Variants in SIK3 observed in about 807,000 individuals in gnomAD.
SIK3 encodes SIK family kinase 3.
In SIK3, 28 loss-of-function variants were observed where a neutral mutation model predicts 144.2. The observed-to-expected ratio is 0.19, with a 90% CI of 0.14 to 0.27. The LOEUF (loss-of-function observed/expected upper bound fraction) is 0.27. Among genes scored for constraint, SIK3 ranks in the 10% least tolerant of loss-of-function variants. The pLI, the probability that SIK3 is intolerant of heterozygous loss-of-function variation, is 1.00. For synonymous variants in SIK3, 686 were observed against 676.3 expected (o/e 1.01, Z -0.22); for missense variants, 1,319 against 1,776.0 (o/e 0.74, Z 4.62).
chr11:116,945,758 A>G (rs1409483325), intron 3 of SIK3, among the ~76,000 whole-genome samples: 4 of 151,992 alleles, frequency 2.6e-5, no homozygotes, highest in African/African-American at 7.2e-5. Flanking sequence ...GTGGTAGGGG[A>G]AAAAAATCAC....
chr11:116,925,664 G>A (rs1221045003), intron 4 of SIK3, among the ~76,000 whole-genome samples: 1 of 152,200 alleles, frequency 6.6e-6, no homozygotes, highest in Non-Finnish European at 1.5e-5. Context: ...TTTAAGGGTT[G>A]TGAAGTTTAG....
chr11:116,870,405 A>G lies in SIK3; in HGVS notation c.1738-4T>C. On this transcript the variant is annotated splice_polypyrimidine_tract_variant and splice_region_variant and intron_variant, in intron 13 of 24. Transcript: ENST00000445177. ...CAGGGGTAACTGCTGGCACTGCCTG[A>G]AGAGAGACAGGAAGGAAAAGCTCAA... 2 of 1,612,284 alleles carry G rather than the reference A, an allele frequency of 1.2e-6. No individual in the cohort carries two copies. The highest frequency in any genetic ancestry group is 1.7e-6 in the Non-Finnish European group (2 of 1,179,996).
At chr11:117,050,973 C>T (rs1197141897) in intron 1 of SIK3, among the ~76,000 whole-genome samples, 4 of 151,978 alleles carry the variant, frequency 2.6e-5, no homozygotes, top group African/African-American at 9.7e-5. Context: ...AGGAATGGCC[C>T]AGACAGCTGA....
intron 1 of SIK3, among the ~76,000 whole-genome samples, chr11:117,002,621 A>G (rs1423109570): frequency 6.6e-6 from 1 of 152,228 alleles, no homozygotes; most frequent in African/African-American, 2.4e-5. Flanking sequence ...TACAAGAAAA[A>G]AAAACCACAT....
intron 7 of SIK3, 133 bp downstream of exon 7, chr11:116,876,791 G>T: frequency 1.4e-6 from 1 of 708,052 alleles, no homozygotes; most frequent in Non-Finnish European, 2.5e-6. Flanking sequence ...CTTGCTTCAC[G>T]TGCTGCTTTA....
At chr11:117,042,378 T>C (rs1001559712) in intron 1 of SIK3, among the ~76,000 whole-genome samples, 7 of 152,152 alleles carry the variant, frequency 4.6e-5, no homozygotes, top group Non-Finnish European at 1.0e-4. Context: ...GGCACAATGG[T>C]TAAAGGCCAG....
chr11:116,853,854 T>C (rs915915286), intron 21 of SIK3, among the ~76,000 whole-genome samples: 18 of 152,226 alleles, frequency 1.2e-4, no homozygotes, highest in Non-Finnish European at 2.1e-4. Context: ...AAGACAAACC[T>C]TGTTTTTCCT....
chr11:116,948,482 G>A (rs2135350562), intron 3 of SIK3, among the ~76,000 whole-genome samples: 1 of 152,066 alleles, frequency 6.6e-6, no homozygotes, highest in African/African-American at 2.4e-5. Context: ...TCACTATGTT[G>A]TCCATGCTGG....
chr11:117,049,725 G>A (rs1953139299), intron 1 of SIK3, among the ~76,000 whole-genome samples: 1 of 152,122 alleles, frequency 6.6e-6, no homozygotes, highest in South Asian at 2.1e-4. Context: ...GGAAGCTGAA[G>A]TGGAGGAATC....
intron 1 of SIK3, among the ~76,000 whole-genome samples, chr11:117,089,266 G>T (rs901976937): frequency 6.6e-6 from 1 of 152,038 alleles, no homozygotes. Context: ...AATTAGCTGG[G>T]CGTGGCGGCA....
chr11:116,907,606 C>T lies in SIK3; in HGVS notation c.617-10289G>A, dbSNP rs1946113320. Among the ~76,000 whole-genome samples, 3 of 152,106 alleles carry T rather than the reference C, an allele frequency of 2.0e-5. No homozygotes were observed. The South Asian group carries it at 6.2e-4, about 32-fold the overall frequency. The stretch of plus-strand genomic sequence containing the variant: ...GGGTTGCACCAGAGTCGAAATTGCA[C>T]CCTGCACTCTAGCCTGGGTGACAAG... On this transcript the variant is annotated intron_variant, in intron 4 of 24. Coordinates refer to ENST00000445177, the MANE Select transcript of SIK3 (RefSeq NM_001366686.3).
chr11:116,881,041 G>A (rs1034976990), intron 6 of SIK3, among the ~76,000 whole-genome samples: 1 of 152,040 alleles, frequency 6.6e-6, no homozygotes, highest in African/African-American at 2.4e-5. Flanking sequence ...GGAGAATGGC[G>A]TGAACCTGGG....
chr11:116,856,346 C>T (rs2134371443), intron 21 of SIK3, among the ~76,000 whole-genome samples: 1 of 152,322 alleles, frequency 6.6e-6, no homozygotes, highest in Middle Eastern at 3.4e-3. Flanking sequence ...TCCCAGGCTG[C>T]TAAGGCAGCC....
Position 116,858,461 on chromosome 11 carries a change from G to A in SIK3, c.3004C>T (p.Pro1002Ser). ...TGTCTTGTATAGTCTGGCGGCGTGG[G>A]AGACAGCAGGGCCTGCTGTAGTGCC... ...TSALQQALLS[P>S]TPPDYTRHQQ... The change falls in exon 21 of 25, where the codon CCC (proline) becomes TCC (serine). Residue 1002 changes from proline to serine, a missense_variant. Pro to Ser is a moderately conservative substitution (Grantham distance 74). Transcript: ENST00000445177. The surrounding 1 kb of genome is among the most constrained non-coding windows in gnomAD (Gnocchi z 5.4). The A allele has an allele frequency of 6.2e-7, 1 of 1,604,740 alleles. No homozygotes were observed.
chr11:117,092,828 C>A (rs1955307333), intron 1 of SIK3, among the ~76,000 whole-genome samples: 1 of 152,202 alleles, frequency 6.6e-6, no homozygotes, highest in South Asian at 2.1e-4. Flanking sequence ...ATTAGCCAGA[C>A]TGAAGCCTGA....
At chr11:117,025,237 A>AGCTTGTTTTC (rs1951959846) in intron 1 of SIK3, among the ~76,000 whole-genome samples, 1 of 152,206 alleles carries the variant, frequency 6.6e-6, no homozygotes, top group East Asian at 1.9e-4. Flanking sequence ...TGTAGCTTGA[A>AGCTTGTTTTC]AAAAATCACT....
intron 1 of SIK3, among the ~76,000 whole-genome samples, chr11:116,983,770 C>T (rs1320253245): frequency 6.6e-6 from 1 of 151,918 alleles, no homozygotes; most frequent in Non-Finnish European, 1.5e-5. Flanking sequence ...AGAACTGAAC[C>T]ACAACTGAAG....
At chr11:116,898,850 CAT>C (rs1945577919) in intron 4 of SIK3, among the ~76,000 whole-genome samples, 1 of 151,084 alleles carries the variant, frequency 6.6e-6, no homozygotes, top group South Asian at 2.1e-4. Flanking sequence ...TGTTTGAGTT[CAT>C]TGTAGATTCT....
chr11:116,959,794 T>C (rs1276640655), intron 1 of SIK3, among the ~76,000 whole-genome samples: 1 of 152,208 alleles, frequency 6.6e-6, no homozygotes, highest in East Asian at 1.9e-4. Context: ...CTTACCATAT[T>C]TTCAACTTAT....
Sources: allele counts gnomAD v4.1 joint callset (sites outside exome capture counted in the v4.1 genomes callset), GRCh38; gene constraint gnomAD v4.1.1; non-coding constraint Gnocchi (gnomAD v3.1); transcripts MANE v1.5; gene names NCBI Gene and HGNC (gene_info 2026-07-23, HGNC 2026-07-21).